EPB41L5: variants seen among roughly 807,000 people sequenced by gnomAD.
The protein encoded by EPB41L5 is band 4.1-like protein 5.
A neutral mutation model predicts 106.6 loss-of-function variants in EPB41L5; 55 were observed. The ratio of observed to expected loss-of-function variants is 0.52; its 90% CI spans 0.42 to 0.65. The LOEUF is 0.65. Ranked by LOEUF, EPB41L5 falls within the 30% of genes least tolerant of loss-of-function variation. The probability of loss-of-function intolerance (pLI) is 0.00; values close to 1 mark genes in which losing one functional copy is unlikely to be tolerated. For synonymous variants in EPB41L5, 297 were observed against 306.7 expected, an observed-to-expected ratio of 0.97 and a Z score of 0.33; for missense variants, 871 against 882.1, an observed-to-expected ratio of 0.99 and a Z score of 0.16.
intron 24 of EPB41L5, among the ~76,000 whole-genome samples, chr2:120,173,292 A>C (rs1005978715): frequency 6.6e-6 from 1 of 152,154 alleles, no homozygotes; most frequent in Non-Finnish European, 1.5e-5. Context: ...GGGTGGAAGA[A>C]AGGTAAGCCT....
At chr2:120,045,471 G>A (rs184806202) in intron 3 of EPB41L5, among the ~76,000 whole-genome samples, 9 of 152,168 alleles carry the variant, frequency 5.9e-5, no homozygotes, top group African/African-American at 2.2e-4. Flanking sequence ...CATCACACCT[G>A]AATTCTTTAG....
At chr2:120,162,516 G>T (rs1399550972) in intron 21 of EPB41L5, among the ~76,000 whole-genome samples, 1 of 152,122 alleles carries the variant, frequency 6.6e-6, no homozygotes, top group Non-Finnish European at 1.5e-5. Context: ...CAGATTTTTA[G>T]GGTTAAAGAA....
chr2:120,037,157 T>C (rs1368851270), intron 2 of EPB41L5, among the ~76,000 whole-genome samples: 1 of 151,996 alleles, frequency 6.6e-6, no homozygotes, highest in Non-Finnish European at 1.5e-5. Context: ...AAGAAAACCA[T>C]TTCATTTATA....
chr2:120,175,027 T>C lies in EPB41L5; in HGVS notation c.*120T>C. On this transcript the variant is annotated 3_prime_UTR_variant, in exon 25 of 25. Transcript: ENST00000263713. ...TAGGTAAAAAAAGCTGCACGTAGAT[T>C]TGACTTCAACTCCGTAAAAAAGACA... The C allele has an allele frequency of 1.0e-6, 1 of 981,108 alleles. No individual in the cohort carries two copies. Among genetic ancestry groups the C allele is most frequent in the East Asian group, 2.4e-5 (1 of 41,610 alleles). The allele number at this position is 981,108 out of a possible 1,614,324, so 60.8% of individuals were successfully genotyped here.
At chr2:120,145,268 G>A (rs1380559887) in intron 19 of EPB41L5, among the ~76,000 whole-genome samples, 18 of 152,214 alleles carry the variant, frequency 1.2e-4, no homozygotes, top group Non-Finnish European at 2.2e-4. Context: ...TAACACAGAT[G>A]TTAGTACATG....
chr2:120,053,576 C>A (rs1325363732), intron 3 of EPB41L5, among the ~76,000 whole-genome samples: 1 of 152,158 alleles, frequency 6.6e-6, no homozygotes, highest in Non-Finnish European at 1.5e-5. Context: ...TGAATGGAAT[C>A]ATGTAATAGG....
chr2:120,064,162 C>T (rs1336060551), intron 3 of EPB41L5, among the ~76,000 whole-genome samples: 1 of 152,206 alleles, frequency 6.6e-6, no homozygotes, highest in African/African-American at 2.4e-5. Flanking sequence ...GCTATGTATT[C>T]ATCCTCTCTT....
chr2:120,132,812 A>G (rs886811926), intron 18 of EPB41L5, among the ~76,000 whole-genome samples: 1 of 152,032 alleles, frequency 6.6e-6, no homozygotes, highest in Non-Finnish European at 1.5e-5. Context: ...TAACTAATGG[A>G]AATTTAGTGG....
At chr2:120,150,476 C>T (rs1030508409) in intron 20 of EPB41L5, among the ~76,000 whole-genome samples, 1 of 151,950 alleles carries the variant, frequency 6.6e-6, no homozygotes, top group African/African-American at 2.4e-5. Flanking sequence ...CACACACCAC[C>T]CTGCCCAGCT....
At chr2:120,061,439 G>C (rs1681066314) in intron 3 of EPB41L5, among the ~76,000 whole-genome samples, 2 of 151,702 alleles carry the variant, frequency 1.3e-5, no homozygotes, top group South Asian at 4.2e-4. Flanking sequence ...TAGCCGGGAT[G>C]GTCTCGATCT....
chr2:120,138,605 T>C (rs145436813), intron 18 of EPB41L5, among the ~76,000 whole-genome samples: 41 of 151,734 alleles, frequency 2.7e-4, no homozygotes, highest in Non-Finnish European at 4.0e-4. Flanking sequence ...TAAAATGAAA[T>C]ACCTAAGAAT....
chr2:120,151,310 A>G (rs542142907), intron 20 of EPB41L5, among the ~76,000 whole-genome samples: 13 of 151,974 alleles, frequency 8.6e-5, no homozygotes, highest in Non-Finnish European at 1.3e-4. Context: ...AAAAAATAAT[A>G]ATAATAATAA....
At position 120,090,405 on chromosome 2, in the gene EPB41L5, A is replaced by G. The variant is rs777392241; in HGVS notation, c.932A>G (p.His311Arg). The change falls in exon 12 of 25, where the codon CAT (histidine) becomes CGT (arginine). Residue 311 changes from histidine (H) to arginine (R), a missense_variant. His to Arg is a conservative substitution (Grantham distance 29). Coordinates refer to ENST00000263713, the MANE Select transcript of EPB41L5 (RefSeq NM_020909.4). ...FRLDHPKACK[H>R]LWKCAVEHHA... The stretch of plus-strand genomic sequence containing the variant: ...CTGGATCATCCAAAAGCATGCAAAC[A>G]TTTATGGAAATGTGCTGTGGAGCAT... 18 of 1,613,564 alleles carry G rather than the reference A, an allele frequency of 1.1e-5. No homozygotes were observed. The highest frequency in any genetic ancestry group is 1.0e-5 in the Non-Finnish European group (12 of 1,179,804).
chr2:120,063,818 T>C (rs1681254438), intron 3 of EPB41L5, among the ~76,000 whole-genome samples: 1 of 152,042 alleles, frequency 6.6e-6, no homozygotes, highest in Non-Finnish European at 1.5e-5. Flanking sequence ...GGCGGGCGCC[T>C]GTAATCCCAG....
At chr2:120,020,860 G>A (rs969290741) in intron 2 of EPB41L5, among the ~76,000 whole-genome samples, 3 of 152,072 alleles carry the variant, frequency 2.0e-5, no homozygotes, top group Non-Finnish European at 4.4e-5. Flanking sequence ...GCAGTATGGA[G>A]GAGAAACAAC....
chr2:120,021,399 C>T (rs1408245617), intron 2 of EPB41L5, among the ~76,000 whole-genome samples: 1 of 152,028 alleles, frequency 6.6e-6, no homozygotes, highest in Non-Finnish European at 1.5e-5. Context: ...AATCGCAGCA[C>T]TTTGGGAGGC....
intron 22 of EPB41L5, among the ~76,000 whole-genome samples, chr2:120,166,715 C>T (rs1236294651): frequency 2.6e-5 from 4 of 152,210 alleles, no homozygotes; most frequent in South Asian, 2.1e-4. Context: ...GGGTTACAGG[C>T]GTGCGCCACT....
chr2:120,126,852 A>G (rs1185689113), intron 16 of EPB41L5, among the ~76,000 whole-genome samples: 1 of 152,262 alleles, frequency 6.6e-6, no homozygotes, highest in Non-Finnish European at 1.5e-5. Context: ...TTGAATTTAC[A>G]CATCAGTTTG....
chr2:120,100,336 T>C (rs1684058482), intron 15 of EPB41L5, 50 bp downstream of exon 15: 1 of 1,526,482 alleles, frequency 6.6e-7, no homozygotes, highest in Non-Finnish European at 9.1e-7. Context: ...TTAATTATGG[T>C]AACAGTAGTA....
Sources: gnomAD v4.1 joint callset for allele counts (sites outside exome capture counted in the v4.1 genomes callset) on GRCh38, gnomAD v4.1.1 for gene constraint, MANE v1.5 for transcripts, NCBI Gene and HGNC (gene_info 2026-07-23, HGNC 2026-07-21) for gene names.